The following CNTN5 variants were observed in gnomAD, a reference collection of about 807,000 sequenced individuals.
CNTN5 encodes the protein contactin-5.
A neutral mutation model predicts 129.1 loss-of-function variants in CNTN5; 77 were observed. The ratio of observed to expected loss-of-function variants is 0.60; its 90% confidence interval spans 0.50 to 0.72. CNTN5 has a LOEUF of 0.72. Ranked by LOEUF, CNTN5 falls within the 30% of genes least tolerant of loss-of-function variation. The pLI is 0.00. For synonymous variants in CNTN5, 509 were observed against 465.6 expected (o/e 1.09, Z -1.20); for missense variants, 1,478 against 1,328.8 (o/e 1.11, Z -1.75).
chr11:99,714,282 T>C (rs2134979836), intron 3 of CNTN5, among the ~76,000 whole-genome samples: 1 of 152,076 alleles, frequency 6.6e-6, no homozygotes, highest in Admixed American at 6.6e-5. Flanking sequence ...TGTGTTCCTC[T>C]ATAAATCACC....
chr11:99,808,738 G>C (rs985725352), intron 3 of CNTN5, among the ~76,000 whole-genome samples: 1 of 151,994 alleles, frequency 6.6e-6, no homozygotes, highest in Non-Finnish European at 1.5e-5. Flanking sequence ...GCCAAAGCTC[G>C]ATTCAAATTT....
At chr11:99,535,943 T>C (rs1311583411) in intron 2 of CNTN5, among the ~76,000 whole-genome samples, 1 of 152,154 alleles carries the variant, frequency 6.6e-6, no homozygotes, top group East Asian at 1.9e-4. Context: ...TTCTGATTAG[T>C]TTTGTTTTGA....
intron 6 of CNTN5, among the ~76,000 whole-genome samples, chr11:99,915,292 T>C (rs1461724216): frequency 1.3e-5 from 2 of 152,110 alleles, no homozygotes; most frequent in African/African-American, 4.8e-5. Context: ...AGAATTACAA[T>C]TTAAATTACA....
At chr11:100,266,473 A>G (rs983990597) in intron 17 of CNTN5, among the ~76,000 whole-genome samples, 35 of 152,206 alleles carry the variant, frequency 2.3e-4, no homozygotes, top group Admixed American at 2.0e-3. Context: ...TCTCCATAAT[A>G]TTGCATTTCA....
chr11:99,809,556 C>T (rs188520671), intron 3 of CNTN5, among the ~76,000 whole-genome samples: 4 of 152,124 alleles, frequency 2.6e-5, no homozygotes, highest in African/African-American at 7.2e-5. Context: ...ATATAATTAG[C>T]CATCTTGAAT....
chr11:99,286,523 A>G (rs1348793008), intron 1 of CNTN5, among the ~76,000 whole-genome samples: 2 of 152,200 alleles, frequency 1.3e-5, no homozygotes, highest in African/African-American at 4.8e-5. Flanking sequence ...TAAAAATGGT[A>G]TTTAAATAAG....
chr11:99,930,985 A>C (rs2136074975), intron 7 of CNTN5, among the ~76,000 whole-genome samples: 1 of 152,272 alleles, frequency 6.6e-6, no homozygotes, highest in African/African-American at 2.4e-5. Context: ...TTTGTGAGTA[A>C]AAAATGTATA....
At chr11:99,812,440 A>G (rs1470720636) in intron 3 of CNTN5, among the ~76,000 whole-genome samples, 1 of 152,060 alleles carries the variant, frequency 6.6e-6, no homozygotes, top group African/African-American at 2.4e-5. Flanking sequence ...ATAATAACTA[A>G]ACTCTAGATA....
chr11:99,891,289 T>C (rs1227885486), intron 6 of CNTN5, among the ~76,000 whole-genome samples: 2 of 152,108 alleles, frequency 1.3e-5, no homozygotes, highest in Non-Finnish European at 2.9e-5. Flanking sequence ...CATTCTAAAA[T>C]GAAAAGTTTA....
Position 99,416,561 on chromosome 11 carries a change from C to T in CNTN5, c.-71+91077C>T, listed in dbSNP as rs78108488. Among the ~76,000 whole-genome samples, 558 of 152,240 alleles carry T rather than the reference C, an allele frequency of 3.7e-3. 4 individuals are homozygous for T. Among genetic ancestry groups the T allele is most frequent in the Non-Finnish European group, 5.5e-3 (371 of 68,008 alleles). On this transcript the variant is annotated intron_variant, in intron 2 of 24. Transcript: ENST00000524871. ...TTAATCTCCCAAACTGCTGAGATTACAAGCATAAGCCATCATGCCCAGTCT... is the reference window on the plus strand; with the variant it reads ...TTAATCTCCCAAACTGCTGAGATTATAAGCATAAGCCATCATGCCCAGTCT...
At chr11:99,916,805 A>T (rs1949801739) in intron 7 of CNTN5, among the ~76,000 whole-genome samples, 1 of 152,098 alleles carries the variant, frequency 6.6e-6, no homozygotes, top group Non-Finnish European at 1.5e-5. Flanking sequence ...ACTCCTTTGG[A>T]ACTTAGTATA....
chr11:100,245,150 G>A (rs1056475674), intron 16 of CNTN5, among the ~76,000 whole-genome samples: 1 of 151,920 alleles, frequency 6.6e-6, no homozygotes, highest in Non-Finnish European at 1.5e-5. Flanking sequence ...TTATGCAAGG[G>A]CCCACAGGTT....
chr11:100,269,716 T>A (rs188347072), intron 17 of CNTN5, among the ~76,000 whole-genome samples: 110 of 152,192 alleles, frequency 7.2e-4, no homozygotes, highest in African/African-American at 1.9e-3. Context: ...GAGAGATATG[T>A]GCTGGGCAGA....
At chr11:99,475,301 G>T (rs1945328984) in intron 2 of CNTN5, among the ~76,000 whole-genome samples, 1 of 152,132 alleles carries the variant, frequency 6.6e-6, no homozygotes, top group Non-Finnish European at 1.5e-5. Flanking sequence ...CAGCACAAAG[G>T]CCCACATCAG....
intron 18 of CNTN5, among the ~76,000 whole-genome samples, chr11:100,286,162 G>C (rs549143390): frequency 2.0e-5 from 3 of 151,990 alleles, no homozygotes; most frequent in Non-Finnish European, 4.4e-5. Context: ...ACTGCAAGGT[G>C]GCAGCCAGGC....
chr11:99,042,806 G>A (rs1035376200), intron 1 of CNTN5, among the ~76,000 whole-genome samples: 1 of 148,590 alleles, frequency 6.7e-6, no homozygotes, highest in African/African-American at 2.6e-5. Flanking sequence ...GAGCATAGAC[G>A]CAGTCTGGGA....
intron 3 of CNTN5, among the ~76,000 whole-genome samples, chr11:99,639,731 A>AT (rs1169734662): frequency 1.3e-5 from 2 of 151,800 alleles, no homozygotes; most frequent in Admixed American, 6.6e-5. Context: ...CGCCCAGCTA[A>AT]TTTTTTGTAT....
intron 13 of CNTN5, among the ~76,000 whole-genome samples, chr11:100,165,107 G>A (rs900434973): frequency 2.0e-5 from 3 of 151,708 alleles, no homozygotes; most frequent in African/African-American, 7.3e-5. Context: ...TGAGGGTCAG[G>A]ACTAGATGGG....
chr11:99,602,684 G>A (rs958829114), intron 3 of CNTN5, among the ~76,000 whole-genome samples: 4 of 151,888 alleles, frequency 2.6e-5, no homozygotes, highest in Non-Finnish European at 5.9e-5. Context: ...AAATCACAGT[G>A]TTGAAGTGTC....
Sources: gnomAD v4.1 joint callset for allele counts (sites outside exome capture counted in the v4.1 genomes callset) on GRCh38, gnomAD v4.1.1 for gene constraint, MANE v1.5 for transcripts, NCBI Gene and HGNC (gene_info 2026-07-23, HGNC 2026-07-21) for gene names.